The following KDM2A variants were observed in gnomAD, a reference collection of about 807,000 sequenced individuals.
KDM2A encodes the protein lysine-specific demethylase 2A.
A neutral mutation model predicts 137.3 loss-of-function variants in KDM2A; 3 were observed. The ratio of observed to expected loss-of-function variants is 0.02; its 90% confidence interval spans 0.01 to 0.06. The LOEUF (loss-of-function observed/expected upper bound fraction) is 0.06. Among genes scored for constraint, KDM2A ranks in the 10% least tolerant of loss-of-function variants. KDM2A has a pLI of 1.00. For synonymous variants in KDM2A, 512 were observed against 541.5 expected, an observed-to-expected ratio of 0.95 and a Z score of 0.76; for missense variants, 738 against 1,510.6, an observed-to-expected ratio of 0.49 and a Z score of 8.48.
At chr11:67,192,649 T>C (rs944621948) in intron 5 of KDM2A, among the ~76,000 whole-genome samples, 1 of 151,942 alleles carries the variant, frequency 6.6e-6, no homozygotes, top group Non-Finnish European at 1.5e-5. Flanking sequence ...TTCACCATGT[T>C]GGGCAGGCTG....
chr11:67,172,615 G>GT (rs1007336527), intron 2 of KDM2A, among the ~76,000 whole-genome samples: 35 of 64,240 alleles, frequency 5.4e-4, no homozygotes, highest in African/African-American at 1.5e-3. Context: ...AGCTCTTATA[G>GT]TTGTGTGTGT....
rs139228805 is a variant in KDM2A, at chr11:67,222,019, A to G, written c.957+2616A>G. 1.8e-4 allele frequency among the ~76,000 whole-genome samples: 27 copies of G among 148,054 alleles called. No individual in the cohort carries two copies. In the East Asian group the frequency reaches 4.4e-3, roughly 24 times the overall value. ...AAATGTTTCAAAAGAAAAAAAATGTATAATTCCATAGTAAAATACTCCTGT... is the reference window on the plus strand; with the variant it reads ...AAATGTTTCAAAAGAAAAAAAATGTGTAATTCCATAGTAAAATACTCCTGT... On this transcript the variant is annotated intron_variant, in intron 10 of 20. Transcript: ENST00000529006.
rs536593086 is a variant in KDM2A, at chr11:67,235,604, T to G, written c.1479+3644T>G. On this transcript the variant is annotated intron_variant, in intron 12 of 20. Transcript: ENST00000529006. ...AGGCGTGACACCGCGCCCGGCTGCTTTTTTGTTTTGTTTTGTTTTGTTTTG... is the reference window on the plus strand; with the variant it reads ...AGGCGTGACACCGCGCCCGGCTGCTGTTTTGTTTTGTTTTGTTTTGTTTTG... 1.3e-3 allele frequency among the ~76,000 whole-genome samples: 186 copies of G among 138,806 alleles called. 2 individuals carry two copies. The South Asian group carries it at 0.04, about 30-fold the overall frequency. 91.1% of individuals were successfully genotyped at this position (138,806 alleles called of 152,430 possible).
At chr11:67,176,892 C>G (rs781411056) in intron 2 of KDM2A, among the ~76,000 whole-genome samples, 33 of 152,020 alleles carry the variant, frequency 2.2e-4, no homozygotes, top group Non-Finnish European at 3.8e-4. Context: ...TGAGTAAATG[C>G]GAGGGCCTAA....
At chr11:67,160,954 T>G (rs1219457658) in intron 2 of KDM2A, among the ~76,000 whole-genome samples, 1 of 152,122 alleles carries the variant, frequency 6.6e-6, no homozygotes, top group African/African-American at 2.4e-5. Context: ...AATAAATAAA[T>G]AATTAATGAA....
chr11:67,252,345 C>T (rs369476041), intron 17 of KDM2A: 1 of 310,426 alleles, frequency 3.2e-6, no homozygotes, highest in Admixed American at 4.3e-5. Flanking sequence ...CTTATATACA[C>T]TTCAGCAGGA....
At chr11:67,240,499 T>G in intron 12 of KDM2A, 1 of 761,262 alleles carries the variant, frequency 1.3e-6, no homozygotes, top group Non-Finnish European at 2.1e-6. Context: ...TACTTCGTGT[T>G]GCTTGAGCCG....
intron 11 of KDM2A, among the ~76,000 whole-genome samples, chr11:67,228,429 C>T (rs542923114): frequency 4.6e-5 from 7 of 152,222 alleles, no homozygotes; most frequent in Admixed American, 2.6e-4. Flanking sequence ...CGCTGGTTCA[C>T]GCCTGTAATC....
At chr11:67,154,156 G>A (rs986516724) in intron 2 of KDM2A, among the ~76,000 whole-genome samples, 9 of 152,120 alleles carry the variant, frequency 5.9e-5, no homozygotes, top group African/African-American at 2.2e-4. Context: ...TGACTCTTTA[G>A]TCACTCAGTG....
chr11:67,180,330 A>G (rs1399650212), intron 3 of KDM2A, 113 bp downstream of exon 3: 14 of 1,117,592 alleles, frequency 1.3e-5, no homozygotes, highest in Middle Eastern at 2.7e-4. Flanking sequence ...GATGTTATCT[A>G]TCTATTTTCT....
chr11:67,192,291 G>A (rs1857374437), intron 5 of KDM2A, among the ~76,000 whole-genome samples: 1 of 151,944 alleles, frequency 6.6e-6, no homozygotes, highest in African/African-American at 2.4e-5. Context: ...TTAACAAATG[G>A]CATCATAGTG....
Position 67,231,558 on chromosome 11 carries a change from A to T in KDM2A, c.1085-8A>T, listed in dbSNP as rs1316585532. 6.3e-7 allele frequency: 1 copy of T among 1,575,386 alleles called. No homozygotes were observed. The highest frequency in any genetic ancestry group is 1.4e-5 in the African/African-American group (1 of 73,660). ...TGTTCTTACTGCATTTTTTCTTCAT[A>T]TTGGTAGATTTGGAGTTAAATGGGT... On this transcript the variant is annotated splice_region_variant and splice_polypyrimidine_tract_variant and intron_variant, in intron 11 of 20. Coordinates refer to ENST00000529006, the MANE Select transcript of KDM2A (RefSeq NM_012308.3).
At chr11:67,140,029 C>G (rs1856061426) in intron 2 of KDM2A, among the ~76,000 whole-genome samples, 1 of 152,030 alleles carries the variant, frequency 6.6e-6, no homozygotes, top group African/African-American at 2.4e-5. Flanking sequence ...AGCTTGAGTT[C>G]CTGGTTGATG....
chr11:67,230,646 TAAAAA>T (rs577660484), intron 11 of KDM2A, among the ~76,000 whole-genome samples: 1 of 136,594 alleles, frequency 7.3e-6, no homozygotes, highest in East Asian at 2.1e-4. Context: ...AACCACAACA[TAAAAA>T]AAAAAAACCC....
chr11:67,223,402 T>C (rs892885211), intron 10 of KDM2A, among the ~76,000 whole-genome samples: 1 of 151,438 alleles, frequency 6.6e-6, no homozygotes, highest in Non-Finnish European at 1.5e-5. Flanking sequence ...TTTATTTATT[T>C]ATTTATTTAT....
intron 2 of KDM2A, among the ~76,000 whole-genome samples, chr11:67,157,746 CAAAAAA>C (rs34189357): frequency 3.8e-5 from 3 of 78,070 alleles, no homozygotes; most frequent in Admixed American, 2.4e-4. Context: ...ACTCCGTCTC[CAAAAAA>C]AAAAAAAAAA....
At chr11:67,221,400 T>A (rs1307611255) in intron 10 of KDM2A, among the ~76,000 whole-genome samples, 1 of 152,234 alleles carries the variant, frequency 6.6e-6, no homozygotes, top group Non-Finnish European at 1.5e-5. Flanking sequence ...TTAAAAATTT[T>A]AAAATAACAA....
chr11:67,250,018 A>G lies in KDM2A; in HGVS notation c.2056-68A>G. ...GGTCCCCTGAGAGCAAGGGAGGTCCACCCTGTCGGTTCAGAGGGTTTGGAA... is the reference window on the plus strand; with the variant it reads ...GGTCCCCTGAGAGCAAGGGAGGTCCGCCCTGTCGGTTCAGAGGGTTTGGAA... On this transcript the variant is annotated intron_variant, in intron 16 of 20. Coordinates refer to ENST00000529006, the MANE Select transcript of KDM2A (RefSeq NM_012308.3). The surrounding 1 kb of genome is among the most constrained non-coding windows in gnomAD (Gnocchi z 7.1). 7.6e-7 allele frequency: 1 copy of G among 1,321,292 alleles called. No individual in the cohort carries two copies. Among genetic ancestry groups the G allele is most frequent in the Non-Finnish European group, 1.0e-6 (1 of 963,660 alleles). The allele number at this position is 1,321,292 out of a possible 1,614,324, so 81.8% of individuals were successfully genotyped here.
At position 67,252,763 on chromosome 11, in the gene KDM2A, C is replaced by T; in HGVS notation, c.2838C>T (p.Leu946=). 1 of 1,614,004 alleles carries T rather than the reference C, an allele frequency of 6.2e-7. No individual in the cohort carries two copies. Among genetic ancestry groups the T allele is most frequent in the East Asian group, 2.2e-5 (1 of 44,888 alleles). The change falls in exon 18 of 21, where the codon CTC becomes CTT. Residue 946 remains leucine (L), a synonymous_variant. Coordinates refer to ENST00000529006, the MANE Select transcript of KDM2A (RefSeq NM_012308.3). ...SRCKAIVPQA[L]SGIIKRQPVS... is the part of the protein sequence containing the mutation. ...GTAAGGCCATTGTGCCCCAGGCCCT[C>T]AGTGGCATCATCAAGAGGCAGCCAG...
Sources: allele counts gnomAD v4.1 joint callset (sites outside exome capture counted in the v4.1 genomes callset), GRCh38; gene constraint gnomAD v4.1.1; non-coding constraint Gnocchi (gnomAD v3.1); transcripts MANE v1.5; gene names NCBI Gene and HGNC (gene_info 2026-07-23, HGNC 2026-07-21).